Variants in PRR14L observed in about 807,000 individuals in gnomAD.
The protein encoded by PRR14L is proline rich 14 like, also known as protein PRR14L.
A neutral mutation model predicts 155.0 loss-of-function variants in PRR14L; 80 were observed. The observed-to-expected ratio is 0.52, with a 90% CI of 0.43 to 0.62. PRR14L has a LOEUF of 0.62. PRR14L is among the 20% of genes least tolerant of loss of function. The pLI is 0.00. For missense variants in PRR14L, 2,469 were observed against 2,548.0 expected, an observed-to-expected ratio of 0.97 and a Z score of 0.67; for synonymous variants, 883 against 916.0, an observed-to-expected ratio of 0.96 and a Z score of 0.65.
Position 31,717,039 on chromosome 22 carries a change from G to C in PRR14L, c.800C>G (p.Pro267Arg). Residue 267 changes from proline to arginine, a missense_variant, in exon 4 of 9, where the codon CCT (proline) becomes CGT (arginine). Around this residue, in one of 2 missense-constraint regions of PRR14L, gnomAD observed 2,363 missense variants for 2,371.6 expected, o/e 1.00. Transcript: ENST00000327423. ...FVDPVLTEATPKEKECEELKS... is the reference protein window; with the variant it reads ...FVDPVLTEATRKEKECEELKS... The stretch of plus-strand genomic sequence containing the variant: ...TAATTCTTCACATTCTTTTTCTTTA[G>C]GAGTTGCTTCTGTTAATACAGGGTC... 6.4e-7 allele frequency: 1 copy of C among 1,551,760 alleles called. No individual in the cohort carries two copies.
chr22:31,741,502 T>A (rs180713459), intron 1 of PRR14L, among the ~76,000 whole-genome samples: 1 of 151,812 alleles, frequency 6.6e-6, no homozygotes, highest in East Asian at 1.9e-4. Context: ...AAACAAAACA[T>A]TACCAAGAGA....
intron 8 of PRR14L, among the ~76,000 whole-genome samples, chr22:31,686,133 C>T (rs2074480960): frequency 6.6e-6 from 1 of 150,710 alleles, no homozygotes; most frequent in Admixed American, 6.6e-5. Flanking sequence ...GAGTCTTACT[C>T]TGTCACCCAG....
In PRR14L at chr22:31,738,520, C is replaced by T. The variant is rs371708583; in HGVS notation, c.341G>A (p.Ser114Asn). 166 of 1,552,062 alleles carry T rather than the reference C, an allele frequency of 1.1e-4. No individual in the cohort carries two copies. The East Asian group carries it at 1.8e-3, about 16-fold the overall frequency. The change falls in exon 2 of 9, where the codon AGC becomes AAC. Residue 114 changes from serine to asparagine, a missense_variant. Ser to Asn is a conservative substitution (Grantham distance 46, BLOSUM62 1). Around this residue, in one of 2 missense-constraint regions of PRR14L, gnomAD observed 2,363 missense variants for 2,371.6 expected, o/e 1.00. Coordinates refer to ENST00000327423, the MANE Select transcript of PRR14L (RefSeq NM_173566.3). The stretch of plus-strand genomic sequence containing the variant: ...GAAGACCTTTGGCTCCATGCTCTCG[C>T]TTCTCTTTGCCCTATCCAAGATCCC... ...ASGILDRAKR[S>N]ESMEPKVFRD...
Position 31,715,155 on chromosome 22 carries a change from C to A in PRR14L, c.2684G>T (p.Ser895Ile). The change falls in exon 4 of 9, where the codon AGC becomes ATC. Residue 895 changes from serine (S) to isoleucine (I), a missense_variant. By Grantham distance (142) the Ser-to-Ile change is moderately radical (BLOSUM62 -2). This residue lies in a region of PRR14L where 2,363 missense variants were observed against 2,371.6 expected (regional missense o/e 1.00). Transcript: ENST00000327423. ...ISNKTIHTSS[S>I]IKLSEEGLEG... ...CAGCCCTTCCTCACTGAGTTTGATG[C>A]TACTGGAGGTGTGAATGGTTTTGTT... is the stretch of plus-strand genomic sequence containing the variant. The A allele has an allele frequency of 6.4e-7, 1 of 1,551,922 alleles. No individual in the cohort carries two copies. Among genetic ancestry groups the A allele is most frequent in the East Asian group, 2.4e-5 (1 of 40,928 alleles).
Position 31,685,185 on chromosome 22 carries a change from C to A in PRR14L, c.*342G>T. ...TATGGACGTGCAAATCCTGTGTGTC[C>A]TTGGAATCCTAGTGTTACTGAAGAT... On this transcript the variant is annotated 3_prime_UTR_variant, in exon 9 of 9. Coordinates refer to ENST00000327423, the MANE Select transcript of PRR14L (RefSeq NM_173566.3). 1 of 212,322 alleles carries A rather than the reference C, an allele frequency of 4.7e-6. No homozygotes were observed. The allele number at this position is 212,322 out of a possible 1,614,324, so 13.2% of individuals were successfully genotyped here.
intron 2 of PRR14L, among the ~76,000 whole-genome samples, chr22:31,726,231 A>C (rs1159909313): frequency 1.4e-4 from 21 of 151,858 alleles, no homozygotes; most frequent in Admixed American, 1.2e-3. Context: ...CATGGGTTCA[A>C]GCAATTCTCC....
chr22:31,748,391 A>T (rs1163659948), intron 1 of PRR14L, among the ~76,000 whole-genome samples: 3 of 152,156 alleles, frequency 2.0e-5, no homozygotes, highest in Non-Finnish European at 4.4e-5. Flanking sequence ...ACTATTTCCC[A>T]TTTCCTCCCT....
chr22:31,687,599 G>A (rs1227017697), intron 8 of PRR14L, among the ~76,000 whole-genome samples: 51 of 151,108 alleles, frequency 3.4e-4, no homozygotes, highest in African/African-American at 1.0e-3. Context: ...TGATCCACCC[G>A]CCTTGGCCCC....
chr22:31,693,746 A>AT (rs1209407551), intron 7 of PRR14L, among the ~76,000 whole-genome samples: 1 of 152,012 alleles, frequency 6.6e-6, no homozygotes. Flanking sequence ...CCTTGATCAT[A>AT]TTTTTTGTTT....
At chr22:31,740,830 C>T (rs1033388726) in intron 1 of PRR14L, among the ~76,000 whole-genome samples, 3 of 152,100 alleles carry the variant, frequency 2.0e-5, no homozygotes, top group African/African-American at 4.8e-5. Context: ...CACAGAAAGG[C>T]GAATTAAAAA....
chr22:31,734,741 C>T (rs1028329422), intron 2 of PRR14L, among the ~76,000 whole-genome samples: 1 of 151,984 alleles, frequency 6.6e-6, no homozygotes, highest in African/African-American at 2.4e-5. Context: ...CAGGTTGTGT[C>T]ATTAGTGTGA....
intron 4 of PRR14L, among the ~76,000 whole-genome samples, chr22:31,708,578 T>G (rs2074603705): frequency 6.6e-6 from 1 of 152,072 alleles, no homozygotes. Flanking sequence ...TCGCCCGCCT[T>G]GGCCTCCCAA....
Position 31,690,785 on chromosome 22 carries a change from G to C in PRR14L, c.6108-2558C>G, listed in dbSNP as rs572812619. ...GCCTCCTGAGTAGCTGGGACTACAGGCATGCACCACCATGCCCAGATAATT... is the reference window on the plus strand; with the variant it reads ...GCCTCCTGAGTAGCTGGGACTACAGCCATGCACCACCATGCCCAGATAATT... On this transcript the variant is annotated intron_variant, in intron 7 of 8. Coordinates refer to ENST00000327423, the MANE Select transcript of PRR14L (RefSeq NM_173566.3). Among the ~76,000 whole-genome samples the C allele has an allele frequency of 7.9e-5, 12 of 151,660 alleles. No homozygotes were observed. In the South Asian group the frequency reaches 2.5e-3, roughly 32 times the overall value.
intron 8 of PRR14L, among the ~76,000 whole-genome samples, 199 bp from the exon 9 acceptor site, chr22:31,686,002 T>C (rs1006102912): frequency 6.6e-6 from 1 of 152,144 alleles, no homozygotes; most frequent in African/African-American, 2.4e-5. Flanking sequence ...TGGCATGATC[T>C]TGGCTCACTG....
In PRR14L at chr22:31,715,407, T is replaced by C. The variant is rs1205515311; in HGVS notation, c.2432A>G (p.Lys811Arg). The C allele has an allele frequency of 1.0e-5, 16 of 1,552,220 alleles. No individual in the cohort carries two copies. Among genetic ancestry groups the C allele is most frequent in the African/African-American group, 2.7e-5 (2 of 73,066 alleles). ...CSASAAFKSS[K>R]ISLQVDNSLI... ...AGAGTTATCAACTTGCAGGCTGATT[T>C]TGCTGGACTTGAAAGCAGCAGAAGC... Residue 811 changes from lysine to arginine, a missense_variant, in exon 4 of 9, where the codon AAA becomes AGA. This residue lies in a region of PRR14L where 2,363 missense variants were observed against 2,371.6 expected (regional missense o/e 1.00). Transcript: ENST00000327423.
At chr22:31,730,187 C>T (rs1025618439) in intron 2 of PRR14L, among the ~76,000 whole-genome samples, 2 of 151,388 alleles carry the variant, frequency 1.3e-5, no homozygotes, top group South Asian at 2.1e-4. Context: ...TGCCTGTAAT[C>T]CCAGCACTTT....
At position 31,690,652 on chromosome 22, in the gene PRR14L, T is replaced by C. The variant is rs545888029; in HGVS notation, c.6108-2425A>G. ...AGTCCCTGGCTAATTTTTTTTTTTT[T>C]TTTCTTTGAGACGGAGTCTTGCTCT... On this transcript the variant is annotated intron_variant, in intron 7 of 8. Coordinates refer to ENST00000327423, the MANE Select transcript of PRR14L (RefSeq NM_173566.3). 4.5e-4 allele frequency among the ~76,000 whole-genome samples: 68 copies of C among 152,032 alleles called. 1 individual carries two copies. In the South Asian group the frequency reaches 0.013, roughly 29 times the overall value.
Position 31,684,314 on chromosome 22 carries a change from G to T in PRR14L, c.*1213C>A, listed in dbSNP as rs1254658984. On this transcript the variant is annotated 3_prime_UTR_variant, in exon 9 of 9. Transcript: ENST00000327423. ...CAAAGAAGGCTGGCTGGGGATTTTT[G>T]AGATCCCACTGCAGGAACACATCTC... is the stretch of plus-strand genomic sequence containing the variant. The T allele has an allele frequency of 6.6e-6, 1 of 152,158 alleles. No homozygotes were observed. Among genetic ancestry groups the T allele is most frequent in the Admixed American group, 6.6e-5 (1 of 15,262 alleles). 9.4% of individuals were successfully genotyped at this position (152,158 alleles called of 1,614,324 possible).
At chr22:31,687,408 C>T (rs1398743814) in intron 8 of PRR14L, among the ~76,000 whole-genome samples, 1 of 150,020 alleles carries the variant, frequency 6.7e-6, no homozygotes. Context: ...GGCTGGAGTG[C>T]AGTGGTGTGA....
Sources: allele counts gnomAD v4.1 joint callset (sites outside exome capture counted in the v4.1 genomes callset), GRCh38; gene constraint gnomAD v4.1.1; regional missense constraint gnomAD v4.1.1; transcripts MANE v1.5; gene names NCBI Gene and HGNC (gene_info 2026-07-23, HGNC 2026-07-21).